Variants in DNAJA4 observed in about 807,000 individuals in gnomAD.
DNAJA4 encodes dnaJ homolog subfamily A member 4.
DNAJA4 carries 32 observed loss-of-function variants against 39.7 expected under a neutral mutation model. That is an observed-to-expected ratio of 0.81 (90% CI 0.61 to 1.08). The LOEUF (loss-of-function observed/expected upper bound fraction) is 1.08, where lower values mean the gene tolerates loss of function less well. Ranked by LOEUF, DNAJA4 falls within the 50% of genes least tolerant of loss-of-function variation. The pLI is 0.00. For synonymous variants in DNAJA4, 184 were observed against 182.4 expected, an observed-to-expected ratio of 1.01 and a Z score of -0.07; for missense variants, 439 against 505.1, an observed-to-expected ratio of 0.87 and a Z score of 1.25.
At chr15:78,266,450 T>C (rs2049125387) in intron 1 of DNAJA4, among the ~76,000 whole-genome samples, 1 of 152,282 alleles carries the variant, frequency 6.6e-6, no homozygotes, top group Admixed American at 6.5e-5. Flanking sequence ...TTTAAACTAA[T>C]ATTTATTCAT....
At position 78,281,690 on chromosome 15, in the gene DNAJA4, T is replaced by G. The variant is rs1047686292; in HGVS notation, c.*1230T>G. 6.6e-6 allele frequency: 1 copy of G among 152,322 alleles called. No homozygotes were observed. The highest frequency in any genetic ancestry group is 1.9e-4 in the East Asian group (1 of 5,192). The allele number at this position is 152,322 out of a possible 1,614,324, so 9.4% of individuals were successfully genotyped here. On this transcript the variant is annotated 3_prime_UTR_variant, in exon 7 of 7. Transcript: ENST00000394852. Reference sequence around the variant, plus strand: ...TTCTTTTCCCCAAGTCACAAAAAACTTGTAAGCTGCTGGGTTAAAGCAGAG... The same window carrying G: ...TTCTTTTCCCCAAGTCACAAAAAACGTGTAAGCTGCTGGGTTAAAGCAGAG...
intron 1 of DNAJA4, among the ~76,000 whole-genome samples, chr15:78,267,041 C>CTCATTCAT (rs376386009): frequency 1.3e-5 from 2 of 152,050 alleles, no homozygotes; most frequent in Admixed American, 6.6e-5. Context: ...CCAGAGAGAG[C>CTCATTCAT]TCATTCATTC....
rs1224350078 is a variant in DNAJA4, at chr15:78,281,309, G to A, written c.*849G>A. The A allele has an allele frequency of 1.3e-5, 2 of 152,580 alleles. No homozygotes were observed. The highest frequency in any genetic ancestry group is 4.8e-5 in the African/African-American group (2 of 41,408). The allele number at this position is 152,580 out of a possible 1,614,324, so 9.5% of individuals were successfully genotyped here. Reference sequence around the variant, plus strand: ...CCTCAGTGCAGCAACAGAAGCCAAGGGAGAATGCTGCTGGTTTGGCCCATG... The same window carrying A: ...CCTCAGTGCAGCAACAGAAGCCAAGAGAGAATGCTGCTGGTTTGGCCCATG... On this transcript the variant is annotated 3_prime_UTR_variant, in exon 7 of 7. Coordinates refer to ENST00000394852, the MANE Select transcript of DNAJA4 (RefSeq NM_001130182.2).
At chr15:78,277,887 T>C (rs549136353) in intron 5 of DNAJA4, 31 of 361,918 alleles carry the variant, frequency 8.6e-5, no homozygotes, top group South Asian at 6.6e-4. Flanking sequence ...AAACCTGCCG[T>C]TGGAGAGTTC....
chr15:78,267,765 T>G (rs550782444), intron 1 of DNAJA4, among the ~76,000 whole-genome samples: 1 of 152,366 alleles, frequency 6.6e-6, no homozygotes, highest in East Asian at 1.9e-4. Flanking sequence ...AGTATGATCA[T>G]ACATGGCCAT....
At chr15:78,265,584 T>C (rs1470343904) in intron 1 of DNAJA4, 4 of 702,350 alleles carry the variant, frequency 5.7e-6, no homozygotes, top group Non-Finnish European at 1.0e-5. Flanking sequence ...AGACTGAAAA[T>C]GCTCTGCATT....
At position 78,280,723 on chromosome 15, in the gene DNAJA4, T is replaced by A; in HGVS notation, c.*263T>A. ...CATTTCTATTTTCAGGATATACTTT[T>A]GAGATGTCAGTGATTGCACCAATAC... is the stretch of plus-strand genomic sequence containing the variant. On this transcript the variant is annotated 3_prime_UTR_variant, in exon 7 of 7. Coordinates refer to ENST00000394852, the MANE Select transcript of DNAJA4 (RefSeq NM_001130182.2). The A allele has an allele frequency of 2.7e-6, 1 of 374,696 alleles. No homozygotes were observed. Among genetic ancestry groups the A allele is most frequent in the South Asian group, 4.4e-5 (1 of 22,808 alleles). The allele number at this position is 374,696 out of a possible 1,614,324, so 23.2% of individuals were successfully genotyped here.
Position 78,279,113 on chromosome 15 carries a change from C to G in DNAJA4, c.878-932C>G, listed in dbSNP as rs2049574762. On this transcript the variant is annotated intron_variant, in intron 5 of 6. Coordinates refer to ENST00000394852, the MANE Select transcript of DNAJA4 (RefSeq NM_001130182.2). This position sits in a 1 kb window ranked among gnomAD's most constrained non-coding sequence, Gnocchi z 4.5. ...CACAGCCCTGCCTGCGAATGAATCT[C>G]AAGGATAGTCATTGGCTTACTTTAT... The G allele has an allele frequency of 6.6e-6, 1 of 152,184 alleles. No homozygotes were observed. The highest frequency in any genetic ancestry group is 1.5e-5 in the Non-Finnish European group (1 of 68,062). 9.4% of individuals were successfully genotyped at this position (152,184 alleles called of 1,614,324 possible). A position where few individuals can be genotyped will look rare whatever the true frequency, so the allele number is the denominator to read the frequency against.
In DNAJA4 at chr15:78,267,346, C is replaced by G. The variant is rs575335230; in HGVS notation, c.132+2451C>G. ...AGTTCTTTACCCCTTGCTGGGAAAA[C>G]TGAGAAGGCCGTTGAAATGTTGGTC... is the stretch of plus-strand genomic sequence containing the variant. On this transcript the variant is annotated intron_variant, in intron 1 of 6. Coordinates refer to ENST00000394852, the MANE Select transcript of DNAJA4 (RefSeq NM_001130182.2). Among the ~76,000 whole-genome samples, 12 of 152,294 alleles carry G rather than the reference C, an allele frequency of 7.9e-5. No homozygotes were observed. In the South Asian group the frequency reaches 2.3e-3, roughly 29 times the overall value.
chr15:78,267,092 C>G (rs1285336569), intron 1 of DNAJA4, among the ~76,000 whole-genome samples: 1 of 151,152 alleles, frequency 6.6e-6, no homozygotes, highest in Non-Finnish European at 1.5e-5. Flanking sequence ...CTTCTGGTCC[C>G]CACTGTGTGC....
At chr15:78,278,826 ATTTTTTTTTTTT>A (rs33990133) in intron 5 of DNAJA4, among the ~76,000 whole-genome samples, 1 of 87,504 alleles carries the variant, frequency 1.1e-5, no homozygotes, top group Non-Finnish European at 2.1e-5. Flanking sequence ...TAGTTTTTCT[ATTTTTTTTTTTT>A]TTTTTTTTTT....
At chr15:78,265,578 T>C (rs766565720) in intron 1 of DNAJA4, 1 of 702,392 alleles carries the variant, frequency 1.4e-6, no homozygotes, top group South Asian at 1.5e-5. Context: ...AATCATAGAC[T>C]GAAAATGCTC....
chr15:78,264,360 G>T, upstream of DNAJA4: 1 of 1,448,286 alleles, frequency 6.9e-7, no homozygotes, highest in Non-Finnish European at 9.0e-7. Context: ...GAATCAGACG[G>T]GCAGCCAAAG....
intron 5 of DNAJA4, chr15:78,277,770 G>A: frequency 3.0e-6 from 1 of 329,596 alleles, no homozygotes; most frequent in Non-Finnish European, 5.9e-6. Context: ...GGAGCCGGGA[G>A]CCAAATGGAG....
At chr15:78,267,176 G>GTGTGAGTGTGTA (rs879288193) in intron 1 of DNAJA4, among the ~76,000 whole-genome samples, 274 of 120,746 alleles carry the variant, frequency 2.3e-3, no homozygotes, top group African/African-American at 7.8e-3. Context: ...GTGTGTGAGT[G>GTGTGAGTGTGTA]TGTGAGTGTG....
upstream of DNAJA4, chr15:78,264,373 G>A: frequency 4.2e-6 from 6 of 1,444,056 alleles, no homozygotes; most frequent in Non-Finnish European, 5.4e-6. Context: ...AGCCAAAGGA[G>A]CAGACGCCCG....
At chr15:78,266,903 A>G (rs958015151) in intron 1 of DNAJA4, among the ~76,000 whole-genome samples, 1 of 152,184 alleles carries the variant, frequency 6.6e-6, no homozygotes, top group Admixed American at 6.5e-5. Flanking sequence ...AGAGGGCCCT[A>G]TAAAGGCACA....
rs374753285 is a variant in DNAJA4, at chr15:78,279,418, G to A, written c.878-627G>A. On this transcript the variant is annotated intron_variant, in intron 5 of 6. Coordinates refer to ENST00000394852, the MANE Select transcript of DNAJA4 (RefSeq NM_001130182.2). This position sits in a 1 kb window ranked among gnomAD's most constrained non-coding sequence, Gnocchi z 4.5. ...GAGTTCTTGGGGTCTGAACTCCTCT[G>A]ATGCCTTCCAAAGTCACGTAGCTGT... is the stretch of plus-strand genomic sequence containing the variant. 1 of 154,116 alleles carries A rather than the reference G, an allele frequency of 6.5e-6. No individual in the cohort carries two copies. The highest frequency in any genetic ancestry group is 1.9e-4 in the East Asian group (1 of 5,202). 9.5% of individuals were successfully genotyped at this position (154,116 alleles called of 1,614,324 possible). A position where few individuals can be genotyped will look rare whatever the true frequency, so the allele number is the denominator to read the frequency against.
At chr15:78,264,448 C>T (rs531418100), upstream of DNAJA4, 2,442 of 1,325,038 alleles carry the variant, frequency 1.8e-3, 6 homozygotes, top group Non-Finnish European at 2.1e-3. Flanking sequence ...GCGAACCCGC[C>T]GCGGGGCCGC....
Sources: allele counts gnomAD v4.1 joint callset (sites outside exome capture counted in the v4.1 genomes callset), GRCh38; gene constraint gnomAD v4.1.1; non-coding constraint Gnocchi (gnomAD v3.1); transcripts MANE v1.5; gene names NCBI Gene and HGNC (gene_info 2026-07-23, HGNC 2026-07-21).